ASAP1: variants seen among roughly 807,000 people sequenced by gnomAD.
ASAP1 encodes arf-GAP with SH3 domain, ANK repeat and PH domain-containing protein 1.
In ASAP1, 43 loss-of-function variants were observed where a neutral mutation model predicts 145.2. The observed-to-expected ratio is 0.30, with a 90% CI of 0.23 to 0.38. The LOEUF (loss-of-function observed/expected upper bound fraction) is 0.38, where lower values mean the gene tolerates loss of function less well. Among genes scored for constraint, ASAP1 ranks in the 10% least tolerant of loss-of-function variants. ASAP1 has a pLI of 1.00. For missense variants in ASAP1, 1,018 were observed against 1,355.3 expected (o/e 0.75, Z 3.91); for synonymous variants, 546 against 515.5 (o/e 1.06, Z -0.80).
chr8:130,070,183 C>T (rs906877336), intron 27 of ASAP1, among the ~76,000 whole-genome samples: 1 of 152,174 alleles, frequency 6.6e-6, no homozygotes, highest in African/African-American at 2.4e-5. Context: ...ACTACAGGCG[C>T]CCGTCACCAT....
Position 130,399,569 on chromosome 8 carries a change from C to T in ASAP1, c.59+2316G>A, listed in dbSNP as rs961517436. Among the ~76,000 whole-genome samples, 8 of 152,240 alleles carry T rather than the reference C, an allele frequency of 5.3e-5. No individual in the cohort carries two copies. The East Asian group carries it at 1.2e-3, about 22-fold the overall frequency. ...ATCATGTCTCGATCATATCAAAAGCCTCTCAGGTTGGCCTCTCTGCCTCCA... is the reference window on the plus strand; with the variant it reads ...ATCATGTCTCGATCATATCAAAAGCTTCTCAGGTTGGCCTCTCTGCCTCCA... On this transcript the variant is annotated intron_variant, in intron 2 of 29. Transcript: ENST00000518721.
At chr8:130,098,757 T>A (rs1044221944) in intron 24 of ASAP1, among the ~76,000 whole-genome samples, 11 of 152,220 alleles carry the variant, frequency 7.2e-5, no homozygotes, top group Non-Finnish European at 1.5e-4. Flanking sequence ...ATATCCATCA[T>A]CTCAAAGATT....
intron 3 of ASAP1, among the ~76,000 whole-genome samples, chr8:130,240,969 T>C (rs1818490125): frequency 6.6e-6 from 1 of 152,078 alleles, no homozygotes; most frequent in South Asian, 2.1e-4. Context: ...AGAAAAATTA[T>C]ACAAACCAGA....
chr8:130,213,296 A>G (rs566198230), intron 5 of ASAP1, among the ~76,000 whole-genome samples: 2 of 152,358 alleles, frequency 1.3e-5, no homozygotes, highest in East Asian at 1.9e-4. Context: ...GATTAATTCA[A>G]TGGCATACAT....
intron 3 of ASAP1, among the ~76,000 whole-genome samples, chr8:130,342,124 G>A (rs1460885785): frequency 6.6e-6 from 1 of 152,142 alleles, no homozygotes; most frequent in East Asian, 1.9e-4. Flanking sequence ...GGGCATTCAC[G>A]GTGAGGTGGA....
At chr8:130,309,033 A>G (rs375001637) in intron 3 of ASAP1, among the ~76,000 whole-genome samples, 31 of 152,348 alleles carry the variant, frequency 2.0e-4, no homozygotes, top group Non-Finnish European at 2.9e-4. Context: ...ACTTACACGC[A>G]TAATAAAAGA....
chr8:130,292,219 T>C (rs1011361400), intron 3 of ASAP1, among the ~76,000 whole-genome samples: 2 of 152,152 alleles, frequency 1.3e-5, no homozygotes, highest in Admixed American at 6.5e-5. Flanking sequence ...TCACTTAACA[T>C]GTATGAAGGA....
intron 3 of ASAP1, among the ~76,000 whole-genome samples, chr8:130,244,730 G>C (rs892645273): frequency 6.6e-6 from 1 of 152,148 alleles, no homozygotes; most frequent in African/African-American, 2.4e-5. Context: ...AGGTTGGAAA[G>C]TAATTAAGCA....
chr8:130,199,288 C>T (rs1199465808), intron 5 of ASAP1, among the ~76,000 whole-genome samples: 2 of 152,112 alleles, frequency 1.3e-5, no homozygotes, highest in Admixed American at 6.6e-5. Flanking sequence ...TTCTATACAC[C>T]AAATAAAAAT....
rs575570678 is a variant in ASAP1, at chr8:130,443,007, G to A, written c.-28+453C>T. 6.6e-5 allele frequency among the ~76,000 whole-genome samples: 10 copies of A among 152,258 alleles called. No homozygotes were observed. The East Asian group carries it at 1.7e-3, about 27-fold the overall frequency. Reference sequence around the variant, plus strand: ...GGCCTGGGGCCTGCCAAGCAGCGCCGGGTCCGGGTAGGGGCCGGGGGCCGC... The same window carrying A: ...GGCCTGGGGCCTGCCAAGCAGCGCCAGGTCCGGGTAGGGGCCGGGGGCCGC... On this transcript the variant is annotated intron_variant, in intron 1 of 29. Coordinates refer to ENST00000518721, the MANE Select transcript of ASAP1 (RefSeq NM_018482.4).
intron 4 of ASAP1, among the ~76,000 whole-genome samples, chr8:130,222,898 G>A (rs1221198377): frequency 6.6e-6 from 1 of 152,150 alleles, no homozygotes; most frequent in African/African-American, 2.4e-5. Context: ...TAAAGTGCAG[G>A]AGCCTCTAGA....
Position 130,152,907 on chromosome 8 carries a change from C to T in ASAP1, c.1011-102G>A, listed in dbSNP as rs1361699906. 3.9e-5 allele frequency: 36 copies of T among 921,798 alleles called. 1 individual carries two copies. In the South Asian group the frequency reaches 9.6e-4, roughly 25 times the overall value. The allele number at this position is 921,798 out of a possible 1,614,324, so 57.1% of individuals were successfully genotyped here. ...AATAATAATTACAAAATAACTTCCC[C>T]AAACCAAAAAATCCAACCCCCCCAA... On this transcript the variant is annotated intron_variant, in intron 12 of 29. Transcript: ENST00000518721.
intron 25 of ASAP1, among the ~76,000 whole-genome samples, chr8:130,087,700 G>A (rs2097496706): frequency 6.6e-6 from 1 of 152,116 alleles, no homozygotes; most frequent in Non-Finnish European, 1.5e-5. Context: ...GGGACAGGAG[G>A]CCTCGAGTCT....
intron 3 of ASAP1, among the ~76,000 whole-genome samples, chr8:130,313,063 T>G (rs761792548): frequency 6.6e-6 from 1 of 152,252 alleles, no homozygotes; most frequent in Admixed American, 6.5e-5. Flanking sequence ...GGGTTTTTAA[T>G]ACTTTAGGTT....
At chr8:130,059,224 G>T (rs2097412025) in intron 28 of ASAP1, among the ~76,000 whole-genome samples, 1 of 151,844 alleles carries the variant, frequency 6.6e-6, no homozygotes, top group Admixed American at 6.6e-5. Flanking sequence ...GAGTGCAGTG[G>T]CATGATTACG....
rs999396499 is a variant in ASAP1, at chr8:130,284,045, A to T, written c.187-47051T>A. ...TGTGATGAGGACAGCTTTTTGTTAGACTCATCATCATCACATCCGCCTTAA... is the reference window on the plus strand; with the variant it reads ...TGTGATGAGGACAGCTTTTTGTTAGTCTCATCATCATCACATCCGCCTTAA... On this transcript the variant is annotated intron_variant, in intron 3 of 29. Coordinates refer to ENST00000518721, the MANE Select transcript of ASAP1 (RefSeq NM_018482.4). Among the ~76,000 whole-genome samples, 3 of 152,058 alleles carry T rather than the reference A, an allele frequency of 2.0e-5. No homozygotes were observed. The East Asian group carries it at 5.8e-4, about 29-fold the overall frequency.
At chr8:130,221,029 T>C (rs1046139415) in intron 4 of ASAP1, among the ~76,000 whole-genome samples, 56 of 152,062 alleles carry the variant, frequency 3.7e-4, no homozygotes, top group African/African-American at 6.8e-4. Flanking sequence ...AAGATGAGAT[T>C]TGGGTGGGAA....
At chr8:130,322,010 A>C (rs1824037178) in intron 3 of ASAP1, among the ~76,000 whole-genome samples, 1 of 152,254 alleles carries the variant, frequency 6.6e-6, no homozygotes. Flanking sequence ...CAAAATATGC[A>C]TTGCAAAGTG....
intron 3 of ASAP1, among the ~76,000 whole-genome samples, chr8:130,333,216 T>C (rs1033544533): frequency 6.6e-6 from 1 of 152,240 alleles, no homozygotes; most frequent in African/African-American, 2.4e-5. Context: ...AAAAGGCTAT[T>C]TTATAAAGAA....
Sources: allele counts gnomAD v4.1 joint callset (sites outside exome capture counted in the v4.1 genomes callset), GRCh38; gene constraint gnomAD v4.1.1; transcripts MANE v1.5; gene names NCBI Gene and HGNC (gene_info 2026-07-23, HGNC 2026-07-21).